Variants in SCN7A observed in about 807,000 individuals in gnomAD.
SCN7A encodes sodium voltage-gated channel alpha subunit 7.
A neutral mutation model predicts 155.2 loss-of-function variants in SCN7A; 138 were observed. The ratio of observed to expected loss-of-function variants is 0.89; its 90% CI spans 0.77 to 1.02. The LOEUF is 1.02. SCN7A is among the 50% of genes least tolerant of loss of function. SCN7A has a pLI of 0.00. For synonymous variants in SCN7A, 693 were observed against 649.0 expected, an observed-to-expected ratio of 1.07 and a Z score of -1.03; for missense variants, 2,058 against 1,986.6, an observed-to-expected ratio of 1.04 and a Z score of -0.68.
chr2:166,470,703 A>G lies in SCN7A; in HGVS notation c.576T>C (p.Val192=). ...WLDFSVTVFE[V]IIRYSPLDFI... ...AGTCCAGAGGTGAGTATCTTATAATAACCCTGTGGAATTAAATTAGAGTTA... is the reference window on the plus strand; with the variant it reads ...AGTCCAGAGGTGAGTATCTTATAATGACCCTGTGGAATTAAATTAGAGTTA... Residue 192 remains valine (V), a synonymous_variant, in exon 7 of 26, where the codon GTT becomes GTC. Transcript: ENST00000643258. The G allele has an allele frequency of 6.3e-7, 1 of 1,599,336 alleles. No homozygotes were observed. The highest frequency in any genetic ancestry group is 8.5e-7 in the Non-Finnish European group (1 of 1,172,132).
At chr2:166,475,137 T>TATATATATATAC (rs1553520569) in intron 3 of SCN7A, among the ~76,000 whole-genome samples, 1 of 133,868 alleles carries the variant, frequency 7.5e-6, no homozygotes, top group Non-Finnish European at 1.6e-5. Context: ...TATATATATA[T>TATATATATATAC]ACACACACAC....
At chr2:166,485,604 G>A (rs551291360) in intron 2 of SCN7A, among the ~76,000 whole-genome samples, 3 of 152,202 alleles carry the variant, frequency 2.0e-5, no homozygotes, top group South Asian at 2.1e-4. Context: ...CAGTGATAAA[G>A]GCAATAGAAA....
At chr2:166,412,989 T>G in intron 22 of SCN7A, 79 bp downstream of exon 22, 1 of 987,246 alleles carries the variant, frequency 1.0e-6, no homozygotes, top group Non-Finnish European at 1.5e-6. Flanking sequence ...TATTCATTAT[T>G]ACTGGTGTCC....
At chr2:166,414,002 T>TATATATATAA (rs1443391022) in intron 21 of SCN7A, among the ~76,000 whole-genome samples, 3 of 90,316 alleles carry the variant, frequency 3.3e-5, no homozygotes, top group African/African-American at 1.4e-4. Flanking sequence ...TATATATATA[T>TATATATATAA]AAATATACTA....
At chr2:166,426,303 T>C (rs1049023946) in intron 18 of SCN7A, among the ~76,000 whole-genome samples, 6 of 152,106 alleles carry the variant, frequency 3.9e-5, no homozygotes, top group Admixed American at 1.3e-4. Context: ...TCCATGATGC[T>C]AGCAGAATCT....
rs894074062 is a variant in SCN7A, at chr2:166,417,105, A to G, written c.3136-120T>C. On this transcript the variant is annotated intron_variant, in intron 20 of 25. Transcript: ENST00000643258. ...ATTTAAAAAAAAACCTTAAAAGGCC[A>G]TATCTAAAGATTTAACAGCCCACAT... 3 of 758,112 alleles carry G rather than the reference A, an allele frequency of 4.0e-6. No homozygotes were observed. In the African/African-American group the frequency reaches 5.4e-5, roughly 14 times the overall value. The allele number at this position is 758,112 out of a possible 1,614,324, so 47.0% of individuals were successfully genotyped here. A position where few individuals can be genotyped will look rare whatever the true frequency, so the allele number is the denominator to read the frequency against.
chr2:166,460,297 A>C (rs1257205060), intron 10 of SCN7A, among the ~76,000 whole-genome samples: 1 of 152,210 alleles, frequency 6.6e-6, no homozygotes, highest in East Asian at 1.9e-4. Flanking sequence ...AGTGAAGAGC[A>C]AAACCTGTAT....
At chr2:166,490,050 A>T (rs575304889) in intron 1 of SCN7A, among the ~76,000 whole-genome samples, 1 of 152,174 alleles carries the variant, frequency 6.6e-6, no homozygotes, top group South Asian at 2.1e-4. Flanking sequence ...TGGAATGATT[A>T]TATCAAGCTA....
At chr2:166,424,693 A>T (rs986804253) in intron 18 of SCN7A, among the ~76,000 whole-genome samples, 3 of 152,142 alleles carry the variant, frequency 2.0e-5, no homozygotes, top group African/African-American at 7.2e-5. Context: ...TAGAAAAAAA[A>T]GCAATCATAG....
At chr2:166,464,824 A>G (rs1054009941) in intron 9 of SCN7A, among the ~76,000 whole-genome samples, 9 of 152,150 alleles carry the variant, frequency 5.9e-5, no homozygotes, top group African/African-American at 2.2e-4. Flanking sequence ...GCTCTGGAGC[A>G]CTCTTGAAAA....
At chr2:166,473,365 T>C (rs974482596) in intron 5 of SCN7A, among the ~76,000 whole-genome samples, 1 of 151,712 alleles carries the variant, frequency 6.6e-6, no homozygotes, top group Non-Finnish European at 1.5e-5. Context: ...TCAAGGATTT[T>C]TTATGGTGAT....
intron 2 of SCN7A, among the ~76,000 whole-genome samples, chr2:166,486,092 T>G (rs968428584): frequency 1.3e-5 from 2 of 152,148 alleles, no homozygotes; most frequent in Non-Finnish European, 1.5e-5. Flanking sequence ...AGACCTGATC[T>G]CTCAACCTCT....
chr2:166,445,978 A>G (rs1440836809), intron 12 of SCN7A, among the ~76,000 whole-genome samples: 7 of 152,194 alleles, frequency 4.6e-5, no homozygotes, highest in Admixed American at 4.6e-4. Context: ...CAAAGCCTTC[A>G]TGACTAAAAC....
chr2:166,481,649 C>T (rs937184693), intron 2 of SCN7A, among the ~76,000 whole-genome samples: 6 of 152,146 alleles, frequency 3.9e-5, no homozygotes, highest in African/African-American at 1.4e-4. Context: ...CTCTACTGTG[C>T]TGTAATCCAA....
At chr2:166,488,852 G>A (rs1176937936) in intron 1 of SCN7A, among the ~76,000 whole-genome samples, 2 of 152,042 alleles carry the variant, frequency 1.3e-5, no homozygotes, top group East Asian at 3.9e-4. Context: ...TGGCCAGGCT[G>A]GTTTCAAATT....
chr2:166,416,619 T>G, intron 21 of SCN7A, 88 bp downstream of exon 21: 1 of 1,141,428 alleles, frequency 8.8e-7, no homozygotes, highest in Non-Finnish European at 1.2e-6. Context: ...TAACCAAATG[T>G]ATTAATCGCC....
In SCN7A at chr2:166,414,263, T is replaced by TAC. The variant is rs752928949; in HGVS notation, c.3415-1144_3415-1143dup. Among the ~76,000 whole-genome samples, 10 of 75,030 alleles carry TAC rather than the reference T, an allele frequency of 1.3e-4. No individual in the cohort carries two copies. The East Asian group carries it at 2.4e-3, about 18-fold the overall frequency. The allele number at this position is 75,030 out of a possible 152,430, so 49.2% of individuals were successfully genotyped here. A position where few individuals can be genotyped will look rare whatever the true frequency, so the allele number is the denominator to read the frequency against. On this transcript the variant is annotated intron_variant, in intron 21 of 25. Coordinates refer to ENST00000643258, the MANE Select transcript of SCN7A (RefSeq NM_002976.4). ...ATATGTAAATATATATAGATATATA[T>TAC]ACACACACATATATATATATATACA...
At chr2:166,419,243 GGT>G (rs540683788) in intron 20 of SCN7A, among the ~76,000 whole-genome samples, 1 of 151,040 alleles carries the variant, frequency 6.6e-6, no homozygotes, top group Admixed American at 6.6e-5. Flanking sequence ...TACTTAGGGG[GGT>G]GTGTGTGTGT....
At chr2:166,468,301 G>A (rs996044747) in intron 7 of SCN7A, among the ~76,000 whole-genome samples, 6 of 152,078 alleles carry the variant, frequency 3.9e-5, no homozygotes, top group African/African-American at 7.2e-5. Context: ...CACAAACAGA[G>A]AGTTGAGAGG....
Sources: allele counts gnomAD v4.1 joint callset (sites outside exome capture counted in the v4.1 genomes callset), GRCh38; gene constraint gnomAD v4.1.1; transcripts MANE v1.5; gene names NCBI Gene and HGNC (gene_info 2026-07-23, HGNC 2026-07-21).